Variants in CACNA2D2 observed in about 807,000 individuals in gnomAD.
CACNA2D2 encodes the protein voltage-dependent calcium channel subunit alpha-2/delta-2.
Under a neutral mutation model 166.4 loss-of-function variants are expected in CACNA2D2, and 48 were observed. The ratio of observed to expected loss-of-function variants is 0.29; its 90% CI spans 0.23 to 0.37. The LOEUF (loss-of-function observed/expected upper bound fraction) is 0.37. Ranked by LOEUF, CACNA2D2 falls within the 10% of genes least tolerant of loss-of-function variation. The probability of loss-of-function intolerance (pLI) is 1.00; values close to 1 mark genes in which losing one functional copy is unlikely to be tolerated. For missense variants in CACNA2D2, 1,122 were observed against 1,433.0 expected, an observed-to-expected ratio of 0.78 and a Z score of 3.50; for synonymous variants, 561 against 573.7, an observed-to-expected ratio of 0.98 and a Z score of 0.32.
Position 50,367,164 on chromosome 3 carries a change from C to T in CACNA2D2, c.2402-55G>A. ...GGGTCTGGCGGCCACACTGACCACT[C>T]TATGCTGGGTCCTACAAACCCAGCA... On this transcript the variant is annotated intron_variant, in intron 27 of 37. Coordinates refer to ENST00000424201, the MANE Select transcript of CACNA2D2 (RefSeq NM_006030.4). This position sits in a 1 kb window ranked among gnomAD's most constrained non-coding sequence, Gnocchi z 6.5. The T allele has an allele frequency of 7.4e-7, 1 of 1,359,316 alleles. No homozygotes were observed. Among genetic ancestry groups the T allele is most frequent in the Non-Finnish European group, 1.0e-6 (1 of 959,384 alleles). 84.2% of individuals were successfully genotyped at this position (1,359,316 alleles called of 1,614,324 possible). A position where few individuals can be genotyped will look rare whatever the true frequency, so the allele number is the denominator to read the frequency against.
Position 50,364,984 on chromosome 3 carries a change from G to T in CACNA2D2, c.3209-14C>A. 6.2e-7 allele frequency: 1 copy of T among 1,612,038 alleles called. No individual in the cohort carries two copies. The highest frequency in any genetic ancestry group is 1.1e-5 in the South Asian group (1 of 91,076). ...CCGGGCCGTCCGCTGGGCATGGGTG[G>T]GGAGTCAAGGAGGCGGACGGCGGCG... On this transcript the variant is annotated splice_polypyrimidine_tract_variant and intron_variant, in intron 36 of 37. Coordinates refer to ENST00000424201, the MANE Select transcript of CACNA2D2 (RefSeq NM_006030.4).
chr3:50,458,996 G>A (rs1022358671), intron 2 of CACNA2D2, among the ~76,000 whole-genome samples: 1 of 152,256 alleles, frequency 6.6e-6, no homozygotes, highest in African/African-American at 2.4e-5. Flanking sequence ...TGTATGTGGG[G>A]CTCTGTGTGC....
chr3:50,502,026 G>A (rs1698986509), intron 1 of CACNA2D2, among the ~76,000 whole-genome samples: 1 of 152,194 alleles, frequency 6.6e-6, no homozygotes, highest in African/African-American at 2.4e-5. Context: ...ACCCAGAGAG[G>A]CGGTTTTCCT....
intron 2 of CACNA2D2, among the ~76,000 whole-genome samples, chr3:50,461,028 G>C (rs1194409741): frequency 6.6e-6 from 1 of 152,088 alleles, no homozygotes; most frequent in Non-Finnish European, 1.5e-5. Flanking sequence ...AGAAAGAACA[G>C]AGAAATGAGA....
At chr3:50,492,575 G>A (rs922705440) in intron 1 of CACNA2D2, among the ~76,000 whole-genome samples, 3 of 152,236 alleles carry the variant, frequency 2.0e-5, no homozygotes, top group African/African-American at 7.2e-5. Flanking sequence ...TGGTCCCACA[G>A]TTCTCACTGA....
intron 2 of CACNA2D2, among the ~76,000 whole-genome samples, chr3:50,450,808 C>T (rs1172273081): frequency 6.6e-6 from 1 of 152,154 alleles, no homozygotes; most frequent in African/African-American, 2.4e-5. Flanking sequence ...CCGCAAGACG[C>T]CCGCCGACGT....
At chr3:50,468,558 C>T (rs756262303) in intron 2 of CACNA2D2, among the ~76,000 whole-genome samples, 62 of 152,146 alleles carry the variant, frequency 4.1e-4, no homozygotes, top group Non-Finnish European at 7.1e-4. Context: ...TAAAATCTTC[C>T]AGGCAGAGCA....
intron 1 of CACNA2D2, among the ~76,000 whole-genome samples, chr3:50,495,669 C>A (rs1046576798): frequency 1.3e-5 from 2 of 152,138 alleles, no homozygotes; most frequent in African/African-American, 4.8e-5. Context: ...CGGGGAGGAC[C>A]CAAACCCACA....
chr3:50,425,754 C>T (rs1271000412), intron 3 of CACNA2D2, among the ~76,000 whole-genome samples: 5 of 152,174 alleles, frequency 3.3e-5, no homozygotes, highest in Non-Finnish European at 4.4e-5. Flanking sequence ...CCTCCCTCTA[C>T]GCAGGCCTTC....
chr3:50,375,762 G>A lies in CACNA2D2; in HGVS notation c.1845+47C>T, dbSNP rs1704940573. 2 of 1,612,550 alleles carry A rather than the reference G, an allele frequency of 1.2e-6. No homozygotes were observed. Among genetic ancestry groups the A allele is most frequent in the Non-Finnish European group, 1.7e-6 (2 of 1,179,584 alleles). Reference sequence around the variant, plus strand: ...CTAGCAGGCAGGGGGCGCTGGGGTAGAAGGGTGCCCACCCTGACTCCCTGG... The same window carrying A: ...CTAGCAGGCAGGGGGCGCTGGGGTAAAAGGGTGCCCACCCTGACTCCCTGG... On this transcript the variant is annotated intron_variant, in intron 20 of 37. Transcript: ENST00000424201. The surrounding 1 kb of genome is among the most constrained non-coding windows in gnomAD (Gnocchi z 4.0).
intron 1 of CACNA2D2, among the ~76,000 whole-genome samples, chr3:50,500,177 C>G (rs1698898923): frequency 6.6e-6 from 1 of 152,224 alleles, no homozygotes; most frequent in African/African-American, 2.4e-5. Context: ...TGTGTCCACT[C>G]AGGAGAGGAG....
At chr3:50,459,675 G>C (rs190254205) in intron 2 of CACNA2D2, among the ~76,000 whole-genome samples, 19 of 152,304 alleles carry the variant, frequency 1.2e-4, no homozygotes, top group Middle Eastern at 3.4e-3. Flanking sequence ...CAGAACTCCA[G>C]CCAGGAATGT....
intron 2 of CACNA2D2, among the ~76,000 whole-genome samples, chr3:50,464,955 G>A (rs1344355202): frequency 2.6e-5 from 4 of 152,238 alleles, no homozygotes; most frequent in Non-Finnish European, 5.9e-5. Flanking sequence ...CCAGCCCTGG[G>A]ACTGGGGCTG....
chr3:50,374,542 C>T (rs962478767), intron 22 of CACNA2D2, among the ~76,000 whole-genome samples, 195 bp downstream of exon 22: 15 of 152,002 alleles, frequency 9.9e-5, no homozygotes, highest in Non-Finnish European at 1.6e-4. Context: ...GGTCTGGAAC[C>T]GAATCTGAGA....
At chr3:50,480,905 GA>G (rs1229349125) in intron 1 of CACNA2D2, among the ~76,000 whole-genome samples, 1 of 35,770 alleles carries the variant, frequency 2.8e-5, no homozygotes, top group Admixed American at 1.5e-4. Flanking sequence ...GAAGGGGGAG[GA>G]AAGGGGAGGA....
rs141540640 is a variant in CACNA2D2, at chr3:50,437,539, C to G, written c.289-3110G>C. 5.2e-3 allele frequency among the ~76,000 whole-genome samples: 791 copies of G among 152,318 alleles called. 15 individuals carry two copies. Among genetic ancestry groups the G allele is most frequent in the African/African-American group, 0.018 (736 of 41,564 alleles). ...AGCCCCTAGTGCCACAGCCCTCCCC[C>G]TCAACATTCCCCTGAACTTGCTCCA... On this transcript the variant is annotated intron_variant, in intron 2 of 37. Transcript: ENST00000424201.
chr3:50,494,592 A>G (rs533931858), intron 1 of CACNA2D2, among the ~76,000 whole-genome samples: 1 of 152,142 alleles, frequency 6.6e-6, no homozygotes, highest in South Asian at 2.1e-4. Flanking sequence ...GGGGCCTCAC[A>G]CCACATAGAC....
intron 22 of CACNA2D2, among the ~76,000 whole-genome samples, chr3:50,371,477 G>A (rs1175112721): frequency 1.3e-5 from 2 of 152,190 alleles, no homozygotes; most frequent in Non-Finnish European, 2.9e-5. Context: ...CACCTTGCTG[G>A]TCTGCACCTG....
chr3:50,386,725 G>A (rs1180053039), intron 5 of CACNA2D2, among the ~76,000 whole-genome samples: 1 of 152,218 alleles, frequency 6.6e-6, no homozygotes, highest in Non-Finnish European at 1.5e-5. Context: ...AGGCCTAAGA[G>A]AGGAAGACTG....
Sources: allele counts gnomAD v4.1 joint callset (sites outside exome capture counted in the v4.1 genomes callset), GRCh38; gene constraint gnomAD v4.1.1; non-coding constraint Gnocchi (gnomAD v3.1); transcripts MANE v1.5; gene names NCBI Gene and HGNC (gene_info 2026-07-23, HGNC 2026-07-21).